RANBP2: variants seen among roughly 807,000 people sequenced by gnomAD.
The protein encoded by RANBP2 is RAN binding protein 2.
A neutral mutation model predicts 303.6 loss-of-function variants in RANBP2; 57 were observed. The ratio of observed to expected loss-of-function variants is 0.19; its 90% CI spans 0.15 to 0.23. The LOEUF is 0.23. Among genes scored for constraint, RANBP2 ranks in the 10% least tolerant of loss-of-function variants. RANBP2 has a pLI of 1.00. For missense variants in RANBP2, 3,138 were observed against 3,780.8 expected (o/e 0.83, Z 4.46); for synonymous variants, 1,167 against 1,301.5 (o/e 0.90, Z 2.23).
the RANBP2 span, among the ~76,000 whole-genome samples, chr2:109,457,921 C>A: frequency 5.9e-5 from 9 of 152,208 alleles, no homozygotes; most frequent in African/African-American, 2.2e-4. Flanking sequence ...TCTGAACATT[C>A]CACAGCACTT....
the RANBP2 span, among the ~76,000 whole-genome samples, chr2:109,460,563 TTGAC>T: frequency 6.6e-6 from 1 of 152,228 alleles, no homozygotes; most frequent in East Asian, 1.9e-4. Context: ...GGCTCAGTCA[TTGAC>T]TGTGCTCCAC....
At chr2:109,399,449 T>TTTTTACTAG in the RANBP2 span, among the ~76,000 whole-genome samples, 1 of 38,946 alleles carries the variant, frequency 2.6e-5, no homozygotes, top group South Asian at 1.0e-3. Flanking sequence ...TTTCCACTAG[T>TTTTTACTAG]TTTTTTTTTT....
rs1030792831 is a variant in RANBP2, at chr2:108,771,827, G to C, written c.7976G>C (p.Cys2659Ser). The C allele has an allele frequency of 2.5e-6, 4 of 1,613,864 alleles. No homozygotes were observed. In the Admixed American group the frequency reaches 6.7e-5, roughly 27 times the overall value. Residue 2659 changes from cysteine to serine, a missense_variant, in exon 21 of 29, where the codon TGC becomes TCC. Coordinates refer to ENST00000283195, the MANE Select transcript of RANBP2 (RefSeq NM_006267.5). ...TKLKLPPTFF[C>S]YKNRPDYVSE... ...CTTAAACTTCCTCCAACTTTCTTCT[G>C]CTACAAGAATAGACCAGATTATGTT...
the RANBP2 span, among the ~76,000 whole-genome samples, chr2:109,012,483 A>G: frequency 6.8e-6 from 1 of 146,190 alleles, no homozygotes; most frequent in Non-Finnish European, 1.5e-5. Context: ...AGCAGAAGGA[A>G]CGGCGGAGAG....
chr2:108,789,513 G>GA (rs1482032475), downstream of RANBP2, among the ~76,000 whole-genome samples: 1 of 152,242 alleles, frequency 6.6e-6, no homozygotes, highest in Non-Finnish European at 1.5e-5. Context: ...AGAATCACTT[G>GA]AACCCGGGAG....
At chr2:108,994,823 TA>T in the RANBP2 span, among the ~76,000 whole-genome samples, 2,081 of 24,530 alleles carry the variant, frequency 0.085, 23 homozygotes, top group East Asian at 0.34. Flanking sequence ...TATATATATA[TA>T]TATATCTTTT....
At chr2:109,642,850 G>A in the RANBP2 span, among the ~76,000 whole-genome samples, 1 of 151,990 alleles carries the variant, frequency 6.6e-6, no homozygotes, top group African/African-American at 2.4e-5. Flanking sequence ...TGCACTCAAA[G>A]TCTGGAATCT....
the RANBP2 span, among the ~76,000 whole-genome samples, chr2:108,913,010 G>A: frequency 6.0e-5 from 9 of 150,626 alleles, no homozygotes; most frequent in East Asian, 1.9e-4. Flanking sequence ...GTGCAGTGGC[G>A]TGATCTCGGC....
At chr2:109,413,059 T>C in the RANBP2 span, among the ~76,000 whole-genome samples, 1 of 152,218 alleles carries the variant, frequency 6.6e-6, no homozygotes, top group Non-Finnish European at 1.5e-5. Context: ...TCATAAACAG[T>C]GCTGCTGCGA....
At chr2:109,370,752 C>T in the RANBP2 span, among the ~76,000 whole-genome samples, 1 of 152,188 alleles carries the variant, frequency 6.6e-6, no homozygotes, top group Non-Finnish European at 1.5e-5. Flanking sequence ...CCCCGAAAGC[C>T]CGCCTTTCCT....
the RANBP2 span, among the ~76,000 whole-genome samples, chr2:109,256,350 G>A: frequency 0.039 from 5,908 of 152,316 alleles, 377 homozygotes; most frequent in African/African-American, 0.13. Context: ...GGTGCTCTGG[G>A]CTTGTCAGTT....
At chr2:109,281,790 A>G in the RANBP2 span, among the ~76,000 whole-genome samples, 3 of 152,114 alleles carry the variant, frequency 2.0e-5, no homozygotes, top group Admixed American at 6.5e-5. Context: ...TTCTGTGCCA[A>G]TGGACACACT....
At chr2:109,551,143 T>A in the RANBP2 span, among the ~76,000 whole-genome samples, 1 of 152,210 alleles carries the variant, frequency 6.6e-6, no homozygotes, top group South Asian at 2.1e-4. Context: ...TTTGGAGACA[T>A]CATTTGTTCT....
At position 108,764,901 on chromosome 2, in the gene RANBP2, A is replaced by G; in HGVS notation, c.4362A>G (p.Gln1454=). Residue 1454 remains glutamine, a synonymous_variant, in exon 20 of 29, where the codon CAA becomes CAG. Transcript: ENST00000283195. ...AAAGTGGATCTTCATTTGTTCATCAAGCTTCATTTAAATTTGGCCAGGGAG... is the reference window on the plus strand; with the variant it reads ...AAAGTGGATCTTCATTTGTTCATCAGGCTTCATTTAAATTTGGCCAGGGAG... ...ANKSGSSFVH[Q]ASFKFGQGDL... is the part of the protein sequence containing the mutation. 1 of 1,614,040 alleles carries G rather than the reference A, an allele frequency of 6.2e-7. No individual in the cohort carries two copies. Among genetic ancestry groups the G allele is most frequent in the East Asian group, 2.2e-5 (1 of 44,884 alleles).
the RANBP2 span, among the ~76,000 whole-genome samples, chr2:109,634,232 G>A: frequency 0.91 from 138,197 of 151,620 alleles, 63,115 homozygotes; most frequent in Middle Eastern, 0.97. Context: ...AAAAATACCA[G>A]TCACCGATCA....
chr2:109,147,355 G>A, the RANBP2 span, among the ~76,000 whole-genome samples: 1 of 152,288 alleles, frequency 6.6e-6, no homozygotes, highest in East Asian at 1.9e-4. Flanking sequence ...CTATCTCTGC[G>A]CTGATAAGCA....
chr2:109,675,831 C>T, the RANBP2 span, among the ~76,000 whole-genome samples: 1,642 of 152,318 alleles, frequency 0.011, 43 homozygotes, highest in African/African-American at 0.037. Context: ...AGAACAACTC[C>T]AGGCGGCCCC....
chr2:109,579,423 G>C, the RANBP2 span, among the ~76,000 whole-genome samples: 1 of 143,620 alleles, frequency 7.0e-6, no homozygotes, highest in Non-Finnish European at 1.5e-5. Flanking sequence ...CGCTCTTGTT[G>C]ACCAGGCTTG....
intron 6 of RANBP2, among the ~76,000 whole-genome samples, chr2:108,738,160 C>G (rs964333944): frequency 5.9e-5 from 9 of 152,194 alleles, no homozygotes; most frequent in East Asian, 1.9e-4. Context: ...ACTGCAAGCT[C>G]TGTTTCCAGG....
Sources: allele counts gnomAD v4.1 joint callset (sites outside exome capture counted in the v4.1 genomes callset), GRCh38; gene constraint gnomAD v4.1.1; transcripts MANE v1.5; gene names NCBI Gene and HGNC (gene_info 2026-07-23, HGNC 2026-07-21).